Variants in DIAPH2 observed in about 807,000 individuals in gnomAD.
DIAPH2 encodes the protein protein diaphanous homolog 2.
DIAPH2 carries 35 observed loss-of-function variants against 92.7 expected under a neutral mutation model. That is an observed-to-expected ratio of 0.38 (90% CI 0.29 to 0.50). DIAPH2 has a LOEUF of 0.50. Among genes scored for constraint, DIAPH2 ranks in the 20% least tolerant of loss-of-function variants. DIAPH2 has a pLI of 0.94. For missense variants in DIAPH2, 701 were observed against 819.5 expected (o/e 0.86, Z 1.77); for synonymous variants, 301 against 280.4 (o/e 1.07, Z -0.73).
chrX:97,099,731 A>G lies in DIAPH2; in HGVS notation c.2285A>G (p.Asn762Ser), dbSNP rs180990324. Reference sequence around the variant, plus strand: ...CATCTTCCTGAGCAGAAGATACTCAACGAATTAGCAGAGCTTAAGAATGAA... The same window carrying G: ...CATCTTCCTGAGCAGAAGATACTCAGCGAATTAGCAGAGCTTAAGAATGAA... ...VKHLPEQKIL[N>S]ELAELKNEYD... The change falls in exon 20 of 27, where the codon AAC becomes AGC. Residue 762 changes from asparagine (N) to serine (S), a missense_variant. This residue lies in a region of DIAPH2 where 536 missense variants were observed against 599.3 expected (regional missense o/e 0.89). Transcript: ENST00000324765. 1.7e-6 allele frequency: 2 copies of G among 1,186,488 alleles called. No homozygotes were observed. The highest frequency in any genetic ancestry group is 1.1e-6 in the Non-Finnish European group (1 of 884,721).
At chrX:97,250,147 T>C (rs1251430849) in intron 23 of DIAPH2, among the ~76,000 whole-genome samples, 1 of 111,147 alleles carries the variant, frequency 9.0e-6, no homozygotes, top group African/African-American at 3.3e-5. Context: ...CCATTTCTAG[T>C]ATAGGATCCT....
chrX:97,159,005 G>T (rs1288653082), intron 22 of DIAPH2, among the ~76,000 whole-genome samples: 4 of 112,379 alleles, frequency 3.6e-5, no homozygotes, highest in Non-Finnish European at 1.9e-5. Flanking sequence ...GGAATATAGA[G>T]TTATATGGAT....
At chrX:97,069,103 C>T (rs965459233) in intron 17 of DIAPH2, among the ~76,000 whole-genome samples, 2 of 110,757 alleles carry the variant, frequency 1.8e-5, no homozygotes, top group African/African-American at 6.6e-5. Context: ...GCTGGGATTA[C>T]AGGCGCCCAC....
At chrX:97,011,702 A>G (rs760877611) in intron 17 of DIAPH2, among the ~76,000 whole-genome samples, 9 of 109,402 alleles carry the variant, frequency 8.2e-5, no homozygotes, top group African/African-American at 2.3e-4. Context: ...AGCATGGCCA[A>G]CATGGTGGTG....
chrX:96,965,274 A>C, intron 17 of DIAPH2, 67 bp downstream of exon 17: 1 of 789,840 alleles, frequency 1.3e-6, no homozygotes, highest in Non-Finnish European at 1.7e-6. Flanking sequence ...CTTTGCTAAA[A>C]ATTTCTAGTA....
At chrX:97,320,195 G>A (rs146453099) in intron 23 of DIAPH2, among the ~76,000 whole-genome samples, 192 of 108,408 alleles carry the variant, frequency 1.8e-3, no homozygotes, top group African/African-American at 6.3e-3. Flanking sequence ...ATGTTTTTCT[G>A]CTGCTAGACA....
intron 17 of DIAPH2, among the ~76,000 whole-genome samples, chrX:97,057,274 T>C (rs1258731954): frequency 6.3e-5 from 7 of 111,962 alleles, no homozygotes; most frequent in Non-Finnish European, 1.3e-4. Flanking sequence ...ACTTGTTTCC[T>C]GGAATTCTTT....
intron 22 of DIAPH2, among the ~76,000 whole-genome samples, chrX:97,178,443 CTTTT>C (rs766983375): frequency 1.3e-4 from 9 of 67,287 alleles, no homozygotes; most frequent in African/African-American, 5.7e-4. Context: ...CTATATTTCT[CTTTT>C]TTTTTTTTTT....
chrX:97,337,655 A>C (rs2069076223), intron 23 of DIAPH2, among the ~76,000 whole-genome samples: 1 of 110,985 alleles, frequency 9.0e-6, no homozygotes, highest in African/African-American at 3.3e-5. Flanking sequence ...AGACTAATAC[A>C]TGGACGTAAC....
At chrX:97,569,547 C>T (rs933431121) in intron 26 of DIAPH2, among the ~76,000 whole-genome samples, 1 of 111,386 alleles carries the variant, frequency 9.0e-6, no homozygotes, top group Non-Finnish European at 1.9e-5. Context: ...TACTTAAGGA[C>T]TTTGTGGATA....
chrX:97,195,132 C>A lies in DIAPH2; in HGVS notation c.2720-52583C>A, dbSNP rs543074816. ...TGTAAATTTTGATAGATATGTGTCA[C>A]TTGATCAATTCCGTAATTTAAAAAA... On this transcript the variant is annotated intron_variant, in intron 22 of 26. Coordinates refer to ENST00000324765, the MANE Select transcript of DIAPH2 (RefSeq NM_006729.5). Among the ~76,000 whole-genome samples the A allele has an allele frequency of 8.9e-5, 10 of 111,867 alleles. No individual in the cohort carries two copies. The South Asian group carries it at 3.7e-3, about 41-fold the overall frequency.
intron 17 of DIAPH2, among the ~76,000 whole-genome samples, chrX:96,986,703 C>A (rs2066034123): frequency 9.0e-6 from 1 of 111,160 alleles, no homozygotes. Context: ...AGGACATGTA[C>A]CCTGAAATTA....
intron 21 of DIAPH2, among the ~76,000 whole-genome samples, chrX:97,134,596 G>A (rs900371847): frequency 2.7e-5 from 3 of 110,989 alleles, no homozygotes; most frequent in African/African-American, 6.6e-5. Flanking sequence ...ATTTGGGGTT[G>A]GGCCCCCAAA....
At chrX:96,977,766 C>T (rs1252286424) in intron 17 of DIAPH2, among the ~76,000 whole-genome samples, 3 of 110,323 alleles carry the variant, frequency 2.7e-5, no homozygotes, top group African/African-American at 3.3e-5. Flanking sequence ...TCAGTGCAAC[C>T]TCTGCCTCCC....
chrX:97,519,817 C>T (rs997030774), intron 26 of DIAPH2, among the ~76,000 whole-genome samples: 1 of 111,050 alleles, frequency 9.0e-6, no homozygotes, highest in African/African-American at 3.3e-5. Flanking sequence ...CCTCCTCCCC[C>T]CAGGGTCAAG....
chrX:97,500,763 GATATATATATATATATAT>G (rs56041649), intron 26 of DIAPH2, among the ~76,000 whole-genome samples: 20 of 60,103 alleles, frequency 3.3e-4, no homozygotes, highest in Middle Eastern at 0.014. Flanking sequence ...CATTCAAGGA[GATATATATATATATATAT>G]ATATATATAT....
chrX:97,447,166 T>C (rs1457078605), intron 26 of DIAPH2, among the ~76,000 whole-genome samples: 1 of 111,616 alleles, frequency 9.0e-6, no homozygotes, highest in African/African-American at 3.3e-5. Flanking sequence ...TTTCTGGTTT[T>C]CTTTTTCTTT....
At chrX:97,285,065 G>A (rs1434815805) in intron 23 of DIAPH2, among the ~76,000 whole-genome samples, 3 of 111,603 alleles carry the variant, frequency 2.7e-5, no homozygotes, top group Non-Finnish European at 3.8e-5. Context: ...AAACAGTACA[G>A]TGTCACCATT....
At chrX:97,211,018 A>G in intron 22 of DIAPH2, among the ~76,000 whole-genome samples, 1 of 111,804 alleles carries the variant, frequency 8.9e-6, no homozygotes, top group Non-Finnish European at 1.9e-5. Flanking sequence ...AAACTGAAAT[A>G]TTGTTTTGCT....
Sources: gnomAD v4.1 joint callset for allele counts (sites outside exome capture counted in the v4.1 genomes callset) on GRCh38, gnomAD v4.1.1 for gene constraint, gnomAD v4.1.1 regional missense constraint, MANE v1.5 for transcripts, NCBI Gene and HGNC (gene_info 2026-07-23, HGNC 2026-07-21) for gene names.